The following NOTCH2 variants were observed in gnomAD, a reference collection of about 807,000 sequenced individuals.
NOTCH2 encodes neurogenic locus notch homolog protein 2.
A neutral mutation model predicts 235.8 loss-of-function variants in NOTCH2; 29 were observed. The ratio of observed to expected loss-of-function variants is 0.12; its 90% CI spans 0.09 to 0.17. The LOEUF is 0.17. Ranked by LOEUF, NOTCH2 falls within the 10% of genes least tolerant of loss-of-function variation. The pLI, the probability that NOTCH2 is intolerant of heterozygous loss-of-function variation, is 1.00. For synonymous variants in NOTCH2, 1,086 were observed against 1,141.5 expected (o/e 0.95, Z 0.98); for missense variants, 2,285 against 3,150.2 (o/e 0.73, Z 6.57).
chr1:119,913,721 T>C lies in NOTCH2; in HGVS notation c.*1585A>G, dbSNP rs1271405105. 1 of 233,164 alleles carries C rather than the reference T, an allele frequency of 4.3e-6. No homozygotes were observed. Among genetic ancestry groups the C allele is most frequent in the African/African-American group, 2.2e-5 (1 of 45,368 alleles). 14.4% of individuals were successfully genotyped at this position (233,164 alleles called of 1,614,324 possible). On this transcript the variant is annotated 3_prime_UTR_variant, in exon 34 of 34. Transcript: ENST00000256646. ...CAATGAGCAAGTCTATAGTTGTCCA[T>C]TATCATCTAAAAGGTGACTCTAGGA...
chr1:119,913,761 G>T lies in NOTCH2; in HGVS notation c.*1545C>A, dbSNP rs1648968556. ...TGACTCTAGGAAAGGAAAATGTTCT[G>T]TTGAGTTTCTACGTTAGTTGCCAAA... On this transcript the variant is annotated 3_prime_UTR_variant, in exon 34 of 34. Transcript: ENST00000256646. 1 of 232,322 alleles carries T rather than the reference G, an allele frequency of 4.3e-6. No individual in the cohort carries two copies. Among genetic ancestry groups the T allele is most frequent in the Admixed American group, 5.7e-5 (1 of 17,698 alleles). The allele number at this position is 232,322 out of a possible 1,614,324, so 14.4% of individuals were successfully genotyped here.
At chr1:120,017,411 A>G (rs1443981714) in intron 2 of NOTCH2, among the ~76,000 whole-genome samples, 25 of 152,176 alleles carry the variant, frequency 1.6e-4, no homozygotes, top group African/African-American at 6.0e-4. Flanking sequence ...GTTACTCATT[A>G]GCCCTTATTA....
chr1:119,997,510 C>T (rs1257380151), intron 3 of NOTCH2, among the ~76,000 whole-genome samples, 178 bp from the exon 4 acceptor site: 1 of 152,060 alleles, frequency 6.6e-6, no homozygotes, highest in Non-Finnish European at 1.5e-5. Flanking sequence ...TCTCCAGTAA[C>T]TCTCCAAGGA....
chr1:119,934,188 G>A (rs1264880428), intron 22 of NOTCH2, among the ~76,000 whole-genome samples: 1 of 152,218 alleles, frequency 6.6e-6, no homozygotes, highest in Non-Finnish European at 1.5e-5. Flanking sequence ...CTAATGGGAG[G>A]TGTTTGGGTC....
chr1:119,999,972 A>AAGGAAGG (rs1652672030), intron 3 of NOTCH2, among the ~76,000 whole-genome samples: 56 of 61,604 alleles, frequency 9.1e-4, no homozygotes, highest in East Asian at 2.4e-3. Context: ...AGAAAGAAAG[A>AAGGAAGG]AAGAAAGGAA....
intron 4 of NOTCH2, chr1:119,995,444 T>C (rs1652402743): frequency 6.6e-6 from 1 of 152,130 alleles, no homozygotes; most frequent in Non-Finnish European, 1.5e-5. Flanking sequence ...CATCAATTAC[T>C]AGCCAATTAG....
At chr1:119,964,501 C>CA (rs1255452280) in intron 10 of NOTCH2, among the ~76,000 whole-genome samples, 1 of 152,126 alleles carries the variant, frequency 6.6e-6, no homozygotes, top group Non-Finnish European at 1.5e-5. Flanking sequence ...CAGGGGAAGA[C>CA]AAAATCTGGA....
rs782684389 is a variant in NOTCH2, at chr1:119,955,021, A to G, written c.2219+19T>C. The G allele has an allele frequency of 6.2e-7, 1 of 1,612,526 alleles. No homozygotes were observed. Among genetic ancestry groups the G allele is most frequent in the Admixed American group, 1.7e-5 (1 of 59,982 alleles). On this transcript the variant is annotated intron_variant, in intron 13 of 33. Transcript: ENST00000256646. ...TAACACAGGTCAATAAGAAACTATC[A>G]CATGGGGCAGCTACTCACCCACTGA...
chr1:119,995,231 T>C (rs1652394222), intron 4 of NOTCH2: 2 of 145,518 alleles, frequency 1.4e-5, no homozygotes, highest in African/African-American at 5.1e-5. Context: ...TCCCTAAGGT[T>C]CTTATCGTGG....
At chr1:119,947,273 C>G (rs1650293373) in intron 17 of NOTCH2, among the ~76,000 whole-genome samples, 6 of 152,122 alleles carry the variant, frequency 3.9e-5, no homozygotes, top group Admixed American at 3.9e-4. Context: ...AAGCAAATAC[C>G]TGTCAAAGAA....
At chr1:119,973,137 T>C (rs17024424) in intron 5 of NOTCH2, among the ~76,000 whole-genome samples, 1,906 of 152,334 alleles carry the variant, frequency 0.013, 43 homozygotes, top group African/African-American at 0.043. Context: ...TCCAAGAAGA[T>C]AGTGGCTTAT....
Position 119,935,533 on chromosome 1 carries a change from A to T in NOTCH2, c.3594T>A (p.Asn1198Lys), listed in dbSNP as rs782178309. The T allele has an allele frequency of 6.2e-7, 1 of 1,614,222 alleles. No homozygotes were observed. Residue 1198 changes from asparagine to lysine, a missense_variant, in exon 22 of 34, where the codon AAT becomes AAA. Asn to Lys is a moderately conservative substitution (Grantham distance 94). This residue lies in a region of NOTCH2 where 1,173 missense variants were observed against 1,515.3 expected (regional missense o/e 0.77). Transcript: ENST00000256646. ...VDECQNQPCQ[N>K]GGTCIDLVNH... ...TCACAAGGTCAATACAGGTGCCTCC[A>T]TTCTGGCAGGGCTGATTCTGGCACT...
intron 5 of NOTCH2, among the ~76,000 whole-genome samples, chr1:119,980,456 G>A (rs1178848091): frequency 2.0e-5 from 3 of 151,982 alleles, no homozygotes; most frequent in Non-Finnish European, 2.9e-5. Flanking sequence ...TGTCTCCCTC[G>A]CTCTTCCTTT....
At chr1:119,929,788 T>C (rs1553194894) in intron 22 of NOTCH2, among the ~76,000 whole-genome samples, 1 of 152,234 alleles carries the variant, frequency 6.6e-6, no homozygotes, top group African/African-American at 2.4e-5. Context: ...AAGTCTGCAG[T>C]AGTGTACAGT....
chr1:119,939,954 A>G (rs1553196259), intron 19 of NOTCH2, among the ~76,000 whole-genome samples: 1 of 152,248 alleles, frequency 6.6e-6, no homozygotes, highest in African/African-American at 2.4e-5. Flanking sequence ...ACATTAAATT[A>G]AACACAGGGC....
chr1:119,968,961 C>T (rs1409936452), intron 6 of NOTCH2, among the ~76,000 whole-genome samples: 12 of 152,224 alleles, frequency 7.9e-5, no homozygotes, highest in Non-Finnish European at 1.8e-4. Context: ...TATCTTCTCC[C>T]ATCACCTTCC....
chr1:120,000,678 C>G (rs1319892722), intron 3 of NOTCH2, among the ~76,000 whole-genome samples: 3 of 149,378 alleles, frequency 2.0e-5, no homozygotes, highest in Admixed American at 6.6e-5. Flanking sequence ...GTCATTTCCA[C>G]TAGCCAGAAT....
chr1:119,915,208 T>A lies in NOTCH2; in HGVS notation c.*98A>T. 2 of 1,257,814 alleles carry A rather than the reference T, an allele frequency of 1.6e-6. No homozygotes were observed. Among genetic ancestry groups the A allele is most frequent in the Non-Finnish European group, 2.3e-6 (2 of 867,372 alleles). 77.9% of individuals were successfully genotyped at this position (1,257,814 alleles called of 1,614,324 possible). The stretch of plus-strand genomic sequence containing the variant: ...CTCTTTCCTACCTCTAGAAGCTGGC[T>A]CCAGAGATTTCTTCATTTCTCTCCC... On this transcript the variant is annotated 3_prime_UTR_variant, in exon 34 of 34. Transcript: ENST00000256646.
At chr1:119,973,577 T>TG (rs1160188418) in intron 5 of NOTCH2, among the ~76,000 whole-genome samples, 3 of 152,166 alleles carry the variant, frequency 2.0e-5, no homozygotes, top group Non-Finnish European at 2.9e-5. Flanking sequence ...TATTCAGCCC[T>TG]GGATGTGATC....
Sources: gnomAD v4.1 joint callset for allele counts (sites outside exome capture counted in the v4.1 genomes callset) on GRCh38, gnomAD v4.1.1 for gene constraint, gnomAD v4.1.1 regional missense constraint, MANE v1.5 for transcripts, NCBI Gene and HGNC (gene_info 2026-07-23, HGNC 2026-07-21) for gene names.